ATP6V1C2: variants seen among roughly 807,000 people sequenced by gnomAD.
ATP6V1C2 encodes the protein ATPase H+ transporting V1 subunit C2.
In ATP6V1C2, 45 loss-of-function variants were observed where a neutral mutation model predicts 56.8. The ratio of observed to expected loss-of-function variants is 0.79; its 90% CI spans 0.62 to 1.02. ATP6V1C2 has a LOEUF of 1.02. ATP6V1C2 is among the 50% of genes least tolerant of loss of function. The pLI, the probability that ATP6V1C2 is intolerant of heterozygous loss-of-function variation, is 0.00. For synonymous variants in ATP6V1C2, 220 were observed against 201.3 expected (o/e 1.09, Z -0.79); for missense variants, 463 against 519.7 (o/e 0.89, Z 1.06).
intron 4 of ATP6V1C2, among the ~76,000 whole-genome samples, chr2:10,758,702 C>T (rs1272622227): frequency 2.0e-5 from 3 of 150,744 alleles, no homozygotes; most frequent in South Asian, 2.1e-4. Flanking sequence ...CTTGCTCTGT[C>T]GCCAGGCTGG....
At chr2:10,721,512 G>C (rs1459791850), upstream of ATP6V1C2, 1 of 152,276 alleles carries the variant, frequency 6.6e-6, no homozygotes, top group Non-Finnish European at 1.5e-5. Context: ...CTGCTCCCCG[G>C]CTCTCGGGCC....
chr2:10,783,241 T>G lies in ATP6V1C2; in HGVS notation c.1262T>G (p.Ile421Ser). The G allele has an allele frequency of 6.2e-7, 1 of 1,613,658 alleles. No individual in the cohort carries two copies. Among genetic ancestry groups the G allele is most frequent in the Non-Finnish European group, 8.5e-7 (1 of 1,179,556 alleles). Residue 421 changes from isoleucine to serine, a missense_variant, in exon 14 of 14, where the codon ATT becomes AGT. Ile to Ser is a moderately radical substitution (Grantham distance 142). Transcript: ENST00000272238. ...QDYFPYVYFH[I>S]DLSLLD ...TATTTTCCTTATGTCTACTTCCATA[T>G]TGACCTTAGTCTTCTTGACTAGAAA...
chr2:10,772,760 C>T lies in ATP6V1C2; in HGVS notation c.638+150C>T, dbSNP rs1664707556. On this transcript the variant is annotated intron_variant, in intron 8 of 13. Transcript: ENST00000272238. ...CCTGTCCCTTGGCCTGGAATTCTGTCAGGGTCGCCCACCTTGTCACATGCC... is the reference window on the plus strand; with the variant it reads ...CCTGTCCCTTGGCCTGGAATTCTGTTAGGGTCGCCCACCTTGTCACATGCC... 4.1e-6 allele frequency: 3 copies of T among 726,620 alleles called. No homozygotes were observed. In the South Asian group the frequency reaches 4.8e-5, roughly 12 times the overall value. 45.0% of individuals were successfully genotyped at this position (726,620 alleles called of 1,614,324 possible).
rs899374239 is a variant in ATP6V1C2 at position 10,722,688 on chromosome 2, T to C, written c.-26-136T>C. On this transcript the variant is annotated intron_variant, in intron 1 of 13. Coordinates refer to ENST00000272238, the MANE Select transcript of ATP6V1C2 (RefSeq NM_001039362.2). ...GGCTGCCCAGGTGGAGATAAGAGCT[T>C]TGCTTTTGCAAATGGATGTCCTTGG... is the stretch of plus-strand genomic sequence containing the variant. 1.2e-5 allele frequency: 12 copies of C among 965,760 alleles called. No homozygotes were observed. In the East Asian group the frequency reaches 2.9e-4, roughly 23 times the overall value. 59.8% of individuals were successfully genotyped at this position (965,760 alleles called of 1,614,324 possible).
Position 10,784,948 on chromosome 2 carries a change from C to T in ATP6V1C2, c.*1685C>T, listed in dbSNP as rs759332910. 13 of 1,585,702 alleles carry T rather than the reference C, an allele frequency of 8.2e-6. No homozygotes were observed. In the Admixed American group the frequency reaches 8.8e-5, roughly 11 times the overall value. On this transcript the variant is annotated 3_prime_UTR_variant, in exon 14 of 14. Coordinates refer to ENST00000272238, the MANE Select transcript of ATP6V1C2 (RefSeq NM_001039362.2). ...CGGGCACTCACCTCGCCATCCCTGCCGTCCCAAGGCTCTCTCTCAACGATG... is the reference window on the plus strand; with the variant it reads ...CGGGCACTCACCTCGCCATCCCTGCTGTCCCAAGGCTCTCTCTCAACGATG...
rs188738487 is a variant in ATP6V1C2 at position 10,734,395 on chromosome 2, C to T, written c.197+7826C>T. Among the ~76,000 whole-genome samples, 598 of 152,282 alleles carry T rather than the reference C, an allele frequency of 3.9e-3. 1 individual carries two copies. Among genetic ancestry groups the T allele is most frequent in the Middle Eastern group, 0.017 (5 of 294 alleles). On this transcript the variant is annotated intron_variant, in intron 3 of 13. Transcript: ENST00000272238. Reference sequence around the variant, plus strand: ...TGGCACTTGCCACAGTGGATTTTGACGTCTTCTTGTGGGATTATTTGGTCA... The same window carrying T: ...TGGCACTTGCCACAGTGGATTTTGATGTCTTCTTGTGGGATTATTTGGTCA...
intron 4 of ATP6V1C2, among the ~76,000 whole-genome samples, chr2:10,758,776 C>T (rs1663708084): frequency 6.6e-6 from 1 of 151,986 alleles, no homozygotes; most frequent in African/African-American, 2.4e-5. Context: ...AATTCTCCTG[C>T]CTCAGCCTCC....
In ATP6V1C2 at chr2:10,739,579, C is replaced by G. The variant is rs548933887; in HGVS notation, c.197+13010C>G. Among the ~76,000 whole-genome samples the G allele has an allele frequency of 5.8e-4, 88 of 152,184 alleles. 1 individual carries two copies. The highest frequency in any genetic ancestry group is 4.7e-3 in the Admixed American group (72 of 15,264). ...CAGGGCAGGCTGCTTCTTATCGACC[C>G]GATCCCAGAAGACTGCTCACCCAGA... is the stretch of plus-strand genomic sequence containing the variant. On this transcript the variant is annotated intron_variant, in intron 3 of 13. Coordinates refer to ENST00000272238, the MANE Select transcript of ATP6V1C2 (RefSeq NM_001039362.2).
At chr2:10,736,162 T>C (rs1662232396) in intron 3 of ATP6V1C2, among the ~76,000 whole-genome samples, 1 of 152,120 alleles carries the variant, frequency 6.6e-6, no homozygotes, top group Admixed American at 6.5e-5. Context: ...CCTGCATTTC[T>C]ACGAGTTCCC....
At position 10,784,372 on chromosome 2, in the gene ATP6V1C2, C is replaced by T. The variant is rs767132169; in HGVS notation, c.*1109C>T. On this transcript the variant is annotated 3_prime_UTR_variant, in exon 14 of 14. Transcript: ENST00000272238. ...ACTGTTAGATCTGCAGAAGGGGACA[C>T]CCTGGAAGGTCAACATCTCATTTTA... 1.3e-6 allele frequency: 2 copies of T among 1,485,962 alleles called. No homozygotes were observed. The highest frequency in any genetic ancestry group is 2.8e-5 in the African/African-American group (2 of 71,886). 92.0% of individuals were successfully genotyped at this position (1,485,962 alleles called of 1,614,324 possible). A position where few individuals can be genotyped will look rare whatever the true frequency, so the allele number is the denominator to read the frequency against.
chr2:10,762,087 C>T (rs911804711), intron 4 of ATP6V1C2, among the ~76,000 whole-genome samples: 1 of 152,056 alleles, frequency 6.6e-6, no homozygotes, highest in African/African-American at 2.4e-5. Context: ...TCTGTGCCAG[C>T]GTTTCCTCAT....
At chr2:10,771,991 T>C (rs1036000209) in intron 7 of ATP6V1C2, 54 bp downstream of exon 7, 1 of 1,491,974 alleles carries the variant, frequency 6.7e-7, no homozygotes, top group African/African-American at 1.4e-5. Context: ...GAGAGGAAGG[T>C]GGACCCGTTG....
In ATP6V1C2 at chr2:10,784,331, G is replaced by C. The variant is rs756185278; in HGVS notation, c.*1068G>C. On this transcript the variant is annotated 3_prime_UTR_variant, in exon 14 of 14. Coordinates refer to ENST00000272238, the MANE Select transcript of ATP6V1C2 (RefSeq NM_001039362.2). ...AATGTCATCCTCCACGGGAAGCTGGGAGACGACAGAAAGCCACTGTTAGAT... is the reference window on the plus strand; with the variant it reads ...AATGTCATCCTCCACGGGAAGCTGGCAGACGACAGAAAGCCACTGTTAGAT... 185 of 1,611,702 alleles carry C rather than the reference G, an allele frequency of 1.1e-4. No individual in the cohort carries two copies. The highest frequency in any genetic ancestry group is 1.5e-4 in the Non-Finnish European group (175 of 1,179,238).
intron 3 of ATP6V1C2, among the ~76,000 whole-genome samples, chr2:10,728,465 A>G (rs988851797): frequency 3.9e-5 from 6 of 152,304 alleles, no homozygotes; most frequent in African/African-American, 9.6e-5. Context: ...AGGTAGTTTC[A>G]TATCAGTCCA....
chr2:10,737,688 AGTTT>A (rs765509989), intron 3 of ATP6V1C2, among the ~76,000 whole-genome samples: 128 of 152,148 alleles, frequency 8.4e-4, no homozygotes, highest in Non-Finnish European at 1.6e-3. Flanking sequence ...GGTCTGTGAC[AGTTT>A]GTTTGTTTGT....
chr2:10,756,650 G>A (rs935024873), intron 4 of ATP6V1C2, among the ~76,000 whole-genome samples: 5 of 150,988 alleles, frequency 3.3e-5, no homozygotes, highest in African/African-American at 9.7e-5. Context: ...CCTGGGAGGC[G>A]GAGGTTGCAG....
At chr2:10,757,370 G>T (rs1663619233) in intron 4 of ATP6V1C2, 1 of 398,262 alleles carries the variant, frequency 2.5e-6, no homozygotes, top group African/African-American at 2.1e-5. Flanking sequence ...TACCCCACCT[G>T]TGATCTTGGC....
At chr2:10,769,171 C>T (rs1049694269) in intron 6 of ATP6V1C2, among the ~76,000 whole-genome samples, 1 of 152,230 alleles carries the variant, frequency 6.6e-6, no homozygotes, top group African/African-American at 2.4e-5. Context: ...TGTCAGCGCA[C>T]GGCCCGTTGC....
At chr2:10,743,710 C>A (rs28374878) in intron 3 of ATP6V1C2, among the ~76,000 whole-genome samples, 77,198 of 150,904 alleles carry the variant, frequency 0.51, 20,029 homozygotes, top group East Asian at 0.63. Flanking sequence ...TTAGACCGGG[C>A]GAGGTGGCTC....
Sources: gnomAD v4.1 joint callset for allele counts (sites outside exome capture counted in the v4.1 genomes callset) on GRCh38, gnomAD v4.1.1 for gene constraint, MANE v1.5 for transcripts, NCBI Gene and HGNC (gene_info 2026-07-23, HGNC 2026-07-21) for gene names.